Variants in TMOD4 observed in about 807,000 individuals in gnomAD.
The protein encoded by TMOD4 is tropomodulin 4, also known as tropomodulin-4.
A neutral mutation model predicts 45.4 loss-of-function variants in TMOD4; 34 were observed. The ratio of observed to expected loss-of-function variants is 0.75; its 90% CI spans 0.57 to 1.00. The LOEUF is 1.00. TMOD4 is among the 50% of genes least tolerant of loss of function. TMOD4 has a pLI of 0.00. For synonymous variants in TMOD4, 131 were observed against 153.9 expected (o/e 0.85, Z 1.10); for missense variants, 399 against 437.5 (o/e 0.91, Z 0.78).
At chr1:151,173,068 G>A (rs1376924788) in intron 4 of TMOD4, among the ~76,000 whole-genome samples, 2 of 152,064 alleles carry the variant, frequency 1.3e-5, no homozygotes, top group Admixed American at 6.5e-5. Flanking sequence ...TGATCCACCC[G>A]CCTCGGCCTC....
In TMOD4 at chr1:151,171,488, G is replaced by GTATT. The variant is rs1394101383; in HGVS notation, c.667_670dup (p.Thr224LysfsTer16). The GTATT allele has an allele frequency of 6.2e-7, 1 of 1,614,156 alleles. No homozygotes were observed. The highest frequency in any genetic ancestry group is 2.2e-5 in the East Asian group (1 of 44,886). ...TACCAGACTGAAGCTCCGCACATAG[G>GTATT]TATTTGCCTTCATTGCCTCACACAG... On this transcript the variant is annotated frameshift_variant, in exon 7 of 10. Coordinates refer to ENST00000295314, the MANE Select transcript of TMOD4 (RefSeq NM_013353.3). LOFTEE classifies it high-confidence loss of function.
In TMOD4 at chr1:151,173,904, C is replaced by T. The variant is rs1684028773; in HGVS notation, c.281-289G>A. On this transcript the variant is annotated intron_variant, in intron 3 of 9. Transcript: ENST00000295314. ...CCATCCTGGCTAACATGGTGAAACC[C>T]CATCTCTACTAAAAATACAAAAAAT... Among the ~76,000 whole-genome samples, 9 of 152,160 alleles carry T rather than the reference C, an allele frequency of 5.9e-5. No homozygotes were observed. In the South Asian group the frequency reaches 1.7e-3, roughly 28 times the overall value.
chr1:151,172,071 T>A (rs943978061), intron 5 of TMOD4, among the ~76,000 whole-genome samples, 197 bp downstream of exon 5: 1 of 152,080 alleles, frequency 6.6e-6, no homozygotes, highest in Non-Finnish European at 1.5e-5. Context: ...TGACCTCAGG[T>A]GATCCACCTG....
In TMOD4 at chr1:151,174,803, G is replaced by T. The variant is rs1185558742; in HGVS notation, c.73C>A (p.Pro25Thr). 10 of 1,613,964 alleles carry T rather than the reference G, an allele frequency of 6.2e-6. No individual in the cohort carries two copies. Among genetic ancestry groups the T allele is most frequent in the African/African-American group, 1.3e-5 (1 of 74,896 alleles). The change falls in exon 2 of 10, where the codon CCC becomes ACC. Residue 25 changes from proline (P) to threonine (T), a missense_variant. Transcript: ENST00000295314. ...CAGTCCAGCTGCTCTAGCTCCTCGG[G>T]GCTCAAGGTCCTTAGGATCTCATCT... ...DEDEILRTLS[P>T]EELEQLDCEL...
In TMOD4 at chr1:151,174,481, C is replaced by T. The variant is rs761456777; in HGVS notation, c.190G>A (p.Asp64Asn). 2.5e-6 allele frequency: 4 copies of T among 1,614,196 alleles called. No individual in the cohort carries two copies. In the South Asian group the frequency reaches 4.4e-5, roughly 18 times the overall value. ...QTKKSPTGPL[D>N]REALLQYLEQ... is the part of the protein sequence containing the mutation. ...AAGTACTGCAAAAGGGCCTCTCGGT[C>T]CAGTGGCCCCGTTGGGCTCTTCTTT... Residue 64 changes from aspartate to asparagine, a missense_variant, in exon 3 of 10, where the codon GAC becomes AAC. Transcript: ENST00000295314.
chr1:151,171,176 CTGTAAA>C, intron 7 of TMOD4, 113 bp from the exon 8 acceptor site: 1 of 1,245,126 alleles, frequency 8.0e-7, no homozygotes, highest in South Asian at 1.4e-5. Context: ...CTTTCAGGTG[CTGTAAA>C]TGGAGCTAGA....
At chr1:151,175,752 C>G (rs1684080028) in intron 1 of TMOD4, 172 bp downstream of exon 1, 1 of 152,218 alleles carries the variant, frequency 6.6e-6, no homozygotes, top group South Asian at 2.1e-4. Flanking sequence ...ATGTGAGACA[C>G]ATCGACAATG....
Position 151,172,250 on chromosome 1 carries a change from C to T in TMOD4, c.487+18G>A, listed in dbSNP as rs762941576. ...CCTGCCCAGAGCCCTGGGGACCATG[C>T]TCCCCAAACACACTCACTGCTAATG... On this transcript the variant is annotated intron_variant, in intron 5 of 9. Coordinates refer to ENST00000295314, the MANE Select transcript of TMOD4 (RefSeq NM_013353.3). 6.3e-7 allele frequency: 1 copy of T among 1,585,474 alleles called. No homozygotes were observed. Among genetic ancestry groups the T allele is most frequent in the Non-Finnish European group, 8.7e-7 (1 of 1,154,608 alleles).
At chr1:151,172,407 C>A (rs1572084678) in intron 4 of TMOD4, 50 bp from the exon 5 acceptor site, 1 of 1,403,770 alleles carries the variant, frequency 7.1e-7, no homozygotes. Flanking sequence ...GAACCTGTTC[C>A]AAGCCTCCCT....
chr1:151,170,241 TAACAA>T (rs1320039948), intron 9 of TMOD4, 138 bp from the exon 10 acceptor site: 8 of 1,001,874 alleles, frequency 8.0e-6, no homozygotes, highest in East Asian at 2.4e-5. Context: ...CATCCCACAT[TAACAA>T]AACAAAACAA....
chr1:151,170,401 A>G, intron 9 of TMOD4, 118 bp downstream of exon 9: 1 of 1,462,020 alleles, frequency 6.8e-7, no homozygotes, highest in Non-Finnish European at 9.3e-7. Context: ...TGAAATTCTC[A>G]TATGAATAGC....
At chr1:151,175,115 AG>A in intron 1 of TMOD4, 198 bp from the exon 2 acceptor site, 1 of 475,088 alleles carries the variant, frequency 2.1e-6, no homozygotes, top group Non-Finnish European at 3.8e-6. Context: ...CCCAGCTTCC[AG>A]CCACTCTGGA....
intron 9 of TMOD4, 70 bp from the exon 10 acceptor site, chr1:151,170,173 T>C: frequency 6.3e-7 from 1 of 1,583,144 alleles, no homozygotes; most frequent in Non-Finnish European, 8.7e-7. Context: ...ACTCTTCTCC[T>C]TTCCAGTCCC....
At chr1:151,171,293 C>T in intron 7 of TMOD4, 140 bp downstream of exon 7, 1 of 840,774 alleles carries the variant, frequency 1.2e-6, no homozygotes, top group Non-Finnish European at 1.9e-6. Flanking sequence ...AGCCATAGCA[C>T]TGAAGGTAGG....
In TMOD4 at chr1:151,170,632, T is replaced by G; in HGVS notation, c.902A>C (p.Glu301Ala). The change falls in exon 9 of 10, where the codon GAG becomes GCG. Residue 301 changes from glutamate to alanine, a missense_variant. By Grantham distance (107) the Glu-to-Ala change is moderately radical. Coordinates refer to ENST00000295314, the MANE Select transcript of TMOD4 (RefSeq NM_013353.3). ...RQWPGDAVEM[E>A]MATVLEQCPS... ...ACACTGCTCTAGCACGGTGGCCATC[T>G]CCATCTCCACTGCATCACCAGGCCA... 1 of 1,614,040 alleles carries G rather than the reference T, an allele frequency of 6.2e-7. No individual in the cohort carries two copies. The highest frequency in any genetic ancestry group is 8.5e-7 in the Non-Finnish European group (1 of 1,180,002).
intron 3 of TMOD4, 115 bp downstream of exon 3, chr1:151,174,276 C>A (rs1477987373): frequency 8.7e-7 from 1 of 1,147,368 alleles, no homozygotes; most frequent in African/African-American, 1.5e-5. Context: ...GTCAGGGCAT[C>A]TGAGTCCCTA....
In TMOD4 at chr1:151,170,567, C is replaced by T. The variant is rs141507115; in HGVS notation, c.967G>A (p.Gly323Arg). 1,704 of 1,614,194 alleles carry T rather than the reference C, an allele frequency of 1.1e-3. 3 individuals are homozygous for T. The highest frequency in any genetic ancestry group is 1.2e-3 in the Non-Finnish European group (1,442 of 1,180,032). ...VRFGYHFTQQ[G>R]PRARAAQAMT... ...GCCTGGGCTGCCCGAGCTCGTGGCC[C>T]CTGCTGTGTAAAGTGGTAGCCAAAG... The change falls in exon 9 of 10, where the codon GGG (glycine) becomes AGG (arginine). Residue 323 changes from glycine to arginine, a missense_variant. By Grantham distance (125) the Gly-to-Arg change is moderately radical. Coordinates refer to ENST00000295314, the MANE Select transcript of TMOD4 (RefSeq NM_013353.3).
In TMOD4 at chr1:151,172,900, C is replaced by A. The variant is rs1185035736; in HGVS notation, c.398-543G>T. 4.6e-5 allele frequency among the ~76,000 whole-genome samples: 7 copies of A among 152,300 alleles called. No homozygotes were observed. In the East Asian group the frequency reaches 1.3e-3, roughly 29 times the overall value. ...GCAGTGGCACTATCTTGGCTCACTGCAAGCTCGGCCTCCTGGGTTCACACC... is the reference window on the plus strand; with the variant it reads ...GCAGTGGCACTATCTTGGCTCACTGAAAGCTCGGCCTCCTGGGTTCACACC... On this transcript the variant is annotated intron_variant, in intron 4 of 9. Coordinates refer to ENST00000295314, the MANE Select transcript of TMOD4 (RefSeq NM_013353.3).
At position 151,170,543 on chromosome 1, in the gene TMOD4, C is replaced by T. The variant is rs1202939707; in HGVS notation, c.991G>A (p.Ala331Thr). ...CGTAGTTCATTGTTTCGGGTCATGG[C>T]CTGGGCTGCCCGAGCTCGTGGCCCC... is the stretch of plus-strand genomic sequence containing the variant. ...QQGPRARAAQ[A>T]MTRNNELRRQ... Residue 331 changes from alanine (A) to threonine (T), a missense_variant, in exon 9 of 10, where the codon GCC (alanine) becomes ACC (threonine). Transcript: ENST00000295314. 2 of 1,614,052 alleles carry T rather than the reference C, an allele frequency of 1.2e-6. No individual in the cohort carries two copies. The highest frequency in any genetic ancestry group is 1.7e-5 in the Admixed American group (1 of 59,986).
Sources: allele counts gnomAD v4.1 joint callset (sites outside exome capture counted in the v4.1 genomes callset), GRCh38; gene constraint gnomAD v4.1.1; transcripts MANE v1.5; gene names NCBI Gene and HGNC (gene_info 2026-07-23, HGNC 2026-07-21).